PARP8: variants seen among roughly 807,000 people sequenced by gnomAD.
PARP8 encodes protein mono-ADP-ribosyltransferase PARP8.
A neutral mutation model predicts 124.1 loss-of-function variants in PARP8; 51 were observed. That is an observed-to-expected ratio of 0.41 (90% confidence interval 0.33 to 0.52). The LOEUF (loss-of-function observed/expected upper bound fraction) is 0.52. Ranked by LOEUF, PARP8 falls within the 20% of genes least tolerant of loss-of-function variation. The pLI is 0.21. For synonymous variants in PARP8, 391 were observed against 361.5 expected, an observed-to-expected ratio of 1.08 and a Z score of -0.93; for missense variants, 860 against 1,018.9, an observed-to-expected ratio of 0.84 and a Z score of 2.12.
At chr5:50,695,215 C>G (rs1170387749) in intron 2 of PARP8, among the ~76,000 whole-genome samples, 1 of 152,148 alleles carries the variant, frequency 6.6e-6, no homozygotes, top group Non-Finnish European at 1.5e-5. Context: ...AATCAGCTCC[C>G]AAGTGTAGAA....
intron 15 of PARP8, among the ~76,000 whole-genome samples, chr5:50,818,576 A>C (rs1274550319): frequency 2.0e-5 from 3 of 151,884 alleles, no homozygotes; most frequent in African/African-American, 7.3e-5. Flanking sequence ...ACAAGGTCTC[A>C]CTGTGTTGTC....
intron 2 of PARP8, among the ~76,000 whole-genome samples, chr5:50,736,140 C>T (rs994041987): frequency 2.6e-5 from 4 of 151,894 alleles, no homozygotes; most frequent in African/African-American, 9.7e-5. Context: ...ACCAAGAAAC[C>T]TCCCCCCACC....
intron 2 of PARP8, among the ~76,000 whole-genome samples, chr5:50,712,936 T>G (rs78463122): frequency 1.7e-3 from 263 of 151,976 alleles, no homozygotes; most frequent in African/African-American, 6.0e-3. Flanking sequence ...TGAGGTAAAG[T>G]ATTATAATAA....
At chr5:50,787,978 A>G (rs994620129) in intron 9 of PARP8, among the ~76,000 whole-genome samples, 3 of 149,314 alleles carry the variant, frequency 2.0e-5, no homozygotes, top group African/African-American at 7.4e-5. Context: ...ATACCTGGTA[A>G]AAGTACGAAC....
chr5:50,726,342 G>A (rs1756428899), intron 2 of PARP8, among the ~76,000 whole-genome samples: 1 of 152,088 alleles, frequency 6.6e-6, no homozygotes. Flanking sequence ...ATCCAATGGA[G>A]GATGTATGTG....
At chr5:50,743,369 T>C (rs1290527198) in intron 2 of PARP8, among the ~76,000 whole-genome samples, 1 of 151,970 alleles carries the variant, frequency 6.6e-6, no homozygotes, top group East Asian at 1.9e-4. Flanking sequence ...ATGATGAACA[T>C]GAAAGTGAAT....
intron 14 of PARP8, among the ~76,000 whole-genome samples, chr5:50,800,930 A>G (rs1271545038): frequency 1.3e-5 from 2 of 150,540 alleles, no homozygotes; most frequent in African/African-American, 4.9e-5. Flanking sequence ...CTAATTTTTA[A>G]AATTTTTTGT....
At chr5:50,691,023 C>A (rs1341479538) in intron 2 of PARP8, among the ~76,000 whole-genome samples, 1 of 152,148 alleles carries the variant, frequency 6.6e-6, no homozygotes, top group Non-Finnish European at 1.5e-5. Context: ...ATACCTACAA[C>A]CCTAACATGT....
chr5:50,815,581 C>A lies in PARP8; in HGVS notation c.1668+57C>A. ...TTTGCTTTGAAAAATTTGTTCCAGT[C>A]CACTAGTTATCTTCATTCTGCTATT... On this transcript the variant is annotated intron_variant, in intron 15 of 25. Coordinates refer to ENST00000281631, the MANE Select transcript of PARP8 (RefSeq NM_024615.4). The A allele has an allele frequency of 3.2e-6, 4 of 1,255,242 alleles. No homozygotes were observed. The South Asian group carries it at 5.7e-5, about 18-fold the overall frequency. The allele number at this position is 1,255,242 out of a possible 1,614,324, so 77.8% of individuals were successfully genotyped here. A position where few individuals can be genotyped will look rare whatever the true frequency, so the allele number is the denominator to read the frequency against.
rs747994491 is a variant in PARP8 at position 50,759,683 on chromosome 5, G to A, written c.225G>A (p.Val75=). The A allele has an allele frequency of 8.3e-6, 13 of 1,562,734 alleles. No homozygotes were observed. Among genetic ancestry groups the A allele is most frequent in the African/African-American group, 4.3e-5 (3 of 70,224 alleles). ...CAAGTTCAGAGAATGATGAAGATGT[G>A]CTAGTTACTACAGAGCCAATACCAG... ...YVSSSENDED[V]LVTTEPIPVI... Residue 75 remains valine, a synonymous_variant, in exon 4 of 26, where the codon GTG becomes GTA. Coordinates refer to ENST00000281631, the MANE Select transcript of PARP8 (RefSeq NM_024615.4).
At chr5:50,727,848 G>T (rs536632280) in intron 2 of PARP8, among the ~76,000 whole-genome samples, 18 of 152,132 alleles carry the variant, frequency 1.2e-4, no homozygotes, top group Non-Finnish European at 1.8e-4. Flanking sequence ...ACAATACATG[G>T]TGTGGTCCGC....
intron 2 of PARP8, among the ~76,000 whole-genome samples, chr5:50,677,229 A>G (rs1337800830): frequency 6.6e-6 from 1 of 152,000 alleles, no homozygotes; most frequent in African/African-American, 2.4e-5. Flanking sequence ...TGGGAGACCT[A>G]AGCTGAATGC....
intron 12 of PARP8, among the ~76,000 whole-genome samples, chr5:50,796,209 G>T (rs148179774): frequency 6.6e-6 from 1 of 152,086 alleles, no homozygotes; most frequent in Non-Finnish European, 1.5e-5. Flanking sequence ...TATGTTGGGG[G>T]TGTGTGTTTA....
intron 24 of PARP8, 62 bp from the exon 25 acceptor site, chr5:50,834,869 C>G (rs148694437): frequency 8.8e-6 from 12 of 1,359,814 alleles, no homozygotes; most frequent in African/African-American, 1.4e-5. Context: ...TATATTAAGT[C>G]GGAATGGACT....
At chr5:50,837,583 A>G (rs549835346) in intron 25 of PARP8, among the ~76,000 whole-genome samples, 1 of 152,248 alleles carries the variant, frequency 6.6e-6, no homozygotes, top group South Asian at 2.1e-4. Flanking sequence ...TTAAAAGTCT[A>G]TTATCAGGTA....
intron 2 of PARP8, among the ~76,000 whole-genome samples, chr5:50,694,485 G>A (rs1285938669): frequency 1.3e-5 from 2 of 152,084 alleles, no homozygotes; most frequent in African/African-American, 2.4e-5. Flanking sequence ...TGCTAAAGGG[G>A]TCTTGTAACC....
At chr5:50,838,829 A>G (rs1747865776) in intron 25 of PARP8, among the ~76,000 whole-genome samples, 1 of 151,902 alleles carries the variant, frequency 6.6e-6, no homozygotes. Flanking sequence ...AGTCAATCCA[A>G]ATGATTTGGC....
intron 2 of PARP8, among the ~76,000 whole-genome samples, chr5:50,722,808 G>C (rs1211113979): frequency 6.6e-6 from 1 of 152,052 alleles, no homozygotes; most frequent in Non-Finnish European, 1.5e-5. Flanking sequence ...CTGTAATGTG[G>C]TGCGAGTTGT....
At chr5:50,804,138 T>C (rs986261662) in intron 14 of PARP8, among the ~76,000 whole-genome samples, 2 of 152,196 alleles carry the variant, frequency 1.3e-5, no homozygotes, top group African/African-American at 4.8e-5. Context: ...TCCTTTCTTC[T>C]AAGCTTTTTG....
Sources: allele counts gnomAD v4.1 joint callset (sites outside exome capture counted in the v4.1 genomes callset), GRCh38; gene constraint gnomAD v4.1.1; transcripts MANE v1.5; gene names NCBI Gene and HGNC (gene_info 2026-07-23, HGNC 2026-07-21).